Variants in TES observed in about 807,000 individuals in gnomAD.
TES encodes the protein testin.
A neutral mutation model predicts 48.2 loss-of-function variants in TES; 41 were observed. The ratio of observed to expected loss-of-function variants is 0.85; its 90% confidence interval spans 0.66 to 1.10. The LOEUF (loss-of-function observed/expected upper bound fraction) is 1.10. TES is among the 50% of genes least tolerant of loss of function. The pLI is 0.00. For synonymous variants in TES, 162 were observed against 174.9 expected (o/e 0.93, Z 0.58); for missense variants, 463 against 515.1 (o/e 0.90, Z 0.98).
At chr7:116,216,468 T>A (rs575716773) in intron 1 of TES, among the ~76,000 whole-genome samples, 2 of 152,214 alleles carry the variant, frequency 1.3e-5, no homozygotes, top group Admixed American at 6.5e-5. Flanking sequence ...TAAAAATCAG[T>A]AGGGGAACCA....
intron 4 of TES, 65 bp from the exon 5 acceptor site, chr7:116,251,695 A>AG: frequency 1.5e-5 from 15 of 992,962 alleles, no homozygotes; most frequent in Non-Finnish European, 2.0e-5. Flanking sequence ...AAAAAAAAAA[A>AG]GAAAGAAAGA....
rs1255107027 is a variant in TES at position 116,258,633 on chromosome 7, A to T, written c.*1151A>T. 6.6e-6 allele frequency: 1 copy of T among 152,600 alleles called. No individual in the cohort carries two copies. Among genetic ancestry groups the T allele is most frequent in the Non-Finnish European group, 1.5e-5 (1 of 68,048 alleles). 9.5% of individuals were successfully genotyped at this position (152,600 alleles called of 1,614,324 possible). On this transcript the variant is annotated 3_prime_UTR_variant, in exon 7 of 7. Transcript: ENST00000358204. ...AATACTTCCAAGCCTGTCCATGGATATATCAAATGTCTTCACTTGTATATT... is the reference window on the plus strand; with the variant it reads ...AATACTTCCAAGCCTGTCCATGGATTTATCAAATGTCTTCACTTGTATATT...
At chr7:116,257,164 C>T (rs1024074548) in intron 6 of TES, 130 bp from the exon 7 acceptor site, 1 of 995,388 alleles carries the variant, frequency 1.0e-6, no homozygotes. Flanking sequence ...GAAGGCCACC[C>T]TCCATTGTGT....
intron 6 of TES, among the ~76,000 whole-genome samples, chr7:116,254,532 G>A (rs961432112): frequency 3.3e-5 from 5 of 152,080 alleles, no homozygotes; most frequent in African/African-American, 9.6e-5. Flanking sequence ...TCAGGAGTTC[G>A]AGACCAGCCT....
rs1009737297 is a variant in TES, at chr7:116,234,598, G to A, written c.92G>A (p.Gly31Glu). 6.2e-7 allele frequency: 1 copy of A among 1,613,740 alleles called. No individual in the cohort carries two copies. The highest frequency in any genetic ancestry group is 8.5e-7 in the Non-Finnish European group (1 of 1,179,826). ...PCLKCKEKCE[G>E]FELHFWRKIC... ...TTAAAATGCAAAGAAAAATGTGAAGGATTCGAACTGCACTTCTGGAGGTAT... is the reference window on the plus strand; with the variant it reads ...TTAAAATGCAAAGAAAAATGTGAAGAATTCGAACTGCACTTCTGGAGGTAT... The change falls in exon 2 of 7, where the codon GGA (glycine) becomes GAA (glutamate). Residue 31 changes from glycine to glutamate, a missense_variant. Gly to Glu is a moderately conservative substitution (Grantham distance 98, BLOSUM62 -2). Transcript: ENST00000358204.
intron 1 of TES, among the ~76,000 whole-genome samples, chr7:116,220,010 C>A (rs1799538628): frequency 6.6e-6 from 1 of 152,058 alleles, no homozygotes; most frequent in Non-Finnish European, 1.5e-5. Context: ...CCAGCCGGGT[C>A]ATGTGACTTC....
intron 6 of TES, chr7:116,252,872 C>T (rs147796357): frequency 6.4e-4 from 122 of 189,932 alleles, no homozygotes; most frequent in African/African-American, 2.6e-3. Context: ...TATTGGACCA[C>T]CCACTGGAAT....
intron 1 of TES, among the ~76,000 whole-genome samples, chr7:116,215,090 C>T (rs1402794951): frequency 2.6e-5 from 4 of 152,146 alleles, no homozygotes; most frequent in African/African-American, 9.7e-5. Flanking sequence ...TCAAAGCAAC[C>T]TTAGGAAGTA....
intron 2 of TES, among the ~76,000 whole-genome samples, chr7:116,248,441 G>A (rs895428146): frequency 6.6e-5 from 10 of 151,956 alleles, no homozygotes; most frequent in African/African-American, 2.2e-4. Context: ...CCTTTTCTCC[G>A]CAACATCTGT....
At chr7:116,239,808 T>G (rs760793657) in intron 2 of TES, among the ~76,000 whole-genome samples, 10 of 152,214 alleles carry the variant, frequency 6.6e-5, no homozygotes, top group Non-Finnish European at 1.5e-4. Context: ...GGGAATGCTT[T>G]CAAGTAATAT....
At chr7:116,219,575 G>A (rs1166251073) in intron 1 of TES, among the ~76,000 whole-genome samples, 1 of 152,028 alleles carries the variant, frequency 6.6e-6, no homozygotes, top group Non-Finnish European at 1.5e-5. Context: ...ATGCCCAACT[G>A]CAGGAGCACC....
chr7:116,245,423 G>A (rs1799909255), intron 2 of TES, among the ~76,000 whole-genome samples: 3 of 152,026 alleles, frequency 2.0e-5, no homozygotes, highest in Admixed American at 2.0e-4. Flanking sequence ...CTCCCAACAA[G>A]TTCCTCATCT....
chr7:116,250,525 G>A (rs371010026), intron 4 of TES, 29 bp downstream of exon 4: 12 of 1,447,770 alleles, frequency 8.3e-6, no homozygotes, highest in African/African-American at 2.9e-5. Context: ...CTGTTAGCCT[G>A]ATTTGTATAC....
At position 116,258,688 on chromosome 7, in the gene TES, C is replaced by T. The variant is rs1800142432; in HGVS notation, c.*1206C>T. ...TGGCTAGGTATTTCTAATGTTTATT[C>T]TTCCCTGTGTACTTCTACACATAGC... On this transcript the variant is annotated 3_prime_UTR_variant, in exon 7 of 7. Coordinates refer to ENST00000358204, the MANE Select transcript of TES (RefSeq NM_015641.4). 1 of 152,506 alleles carries T rather than the reference C, an allele frequency of 6.6e-6. No homozygotes were observed. The highest frequency in any genetic ancestry group is 2.1e-4 in the South Asian group (1 of 4,826). 9.4% of individuals were successfully genotyped at this position (152,506 alleles called of 1,614,324 possible). A position where few individuals can be genotyped will look rare whatever the true frequency, so the allele number is the denominator to read the frequency against.
At position 116,250,339 on chromosome 7, in the gene TES, A is replaced by G. The variant is rs1341420206; in HGVS notation, c.545A>G (p.Tyr182Cys). 5.6e-6 allele frequency: 9 copies of G among 1,613,778 alleles called. No homozygotes were observed. The highest frequency in any genetic ancestry group is 7.6e-6 in the Non-Finnish European group (9 of 1,179,888). ...VKEMEQFVKK[Y>C]KSEALGVGDV... ...GAGATGGAGCAGTTTGTGAAGAAAT[A>G]TAAGAGCGAAGCTCTGGGAGTAGGA... Residue 182 changes from tyrosine (Y) to cysteine (C), a missense_variant, in exon 4 of 7, where the codon TAT (tyrosine) becomes TGT (cysteine). Coordinates refer to ENST00000358204, the MANE Select transcript of TES (RefSeq NM_015641.4).
Position 116,249,311 on chromosome 7 carries a change from C to T in TES, c.366+39C>T, listed in dbSNP as rs1205651089. ...AACAGAGAGTTTCTTTATTGAAGTT[C>T]CTGGAGTATTTATTTGGGGCAGTTT... On this transcript the variant is annotated intron_variant, in intron 3 of 6. Transcript: ENST00000358204. 3 of 1,611,310 alleles carry T rather than the reference C, an allele frequency of 1.9e-6. No homozygotes were observed. The African/African-American group carries it at 4.0e-5, about 22-fold the overall frequency.
At chr7:116,211,961 T>TA (rs1468506268) in intron 1 of TES, among the ~76,000 whole-genome samples, 1 of 152,194 alleles carries the variant, frequency 6.6e-6, no homozygotes, top group Admixed American at 6.5e-5. Context: ...CAGAAAAACA[T>TA]AAATTGTTAA....
intron 1 of TES, among the ~76,000 whole-genome samples, chr7:116,226,603 T>C (rs533979928): frequency 7.9e-5 from 12 of 152,350 alleles, no homozygotes; most frequent in African/African-American, 2.9e-4. Flanking sequence ...GGGAGTGTTA[T>C]GATTATCTTT....
intron 1 of TES, among the ~76,000 whole-genome samples, chr7:116,217,125 C>A (rs893565406): frequency 6.6e-6 from 1 of 152,036 alleles, no homozygotes; most frequent in Admixed American, 6.6e-5. Context: ...GAATTATACC[C>A]GTCAGTGAAC....
Sources: gnomAD v4.1 joint callset for allele counts (sites outside exome capture counted in the v4.1 genomes callset) on GRCh38, gnomAD v4.1.1 for gene constraint, MANE v1.5 for transcripts, NCBI Gene and HGNC (gene_info 2026-07-23, HGNC 2026-07-21) for gene names.